The following SPTLC3 variants were observed in gnomAD, a reference collection of about 807,000 sequenced individuals.
SPTLC3 encodes the protein serine palmitoyltransferase long chain base subunit 3.
A neutral mutation model predicts 59.3 loss-of-function variants in SPTLC3; 36 were observed. That is an observed-to-expected ratio of 0.61 (90% CI 0.47 to 0.80). SPTLC3 has a LOEUF of 0.80. Among genes scored for constraint, SPTLC3 ranks in the 30% least tolerant of loss-of-function variants. The pLI is 0.00. For missense variants in SPTLC3, 625 were observed against 685.1 expected, an observed-to-expected ratio of 0.91 and a Z score of 0.98; for synonymous variants, 257 against 240.8, an observed-to-expected ratio of 1.07 and a Z score of -0.62.
At chr20:13,163,261 G>T (rs901725992) in intron 11 of SPTLC3, among the ~76,000 whole-genome samples, 1 of 149,686 alleles carries the variant, frequency 6.7e-6, no homozygotes, top group African/African-American at 2.5e-5. Flanking sequence ...CCAGCTACTC[G>T]AACTGCTGAG....
chr20:13,167,921 A>C lies in SPTLC3; in HGVS notation c.*3054A>C, dbSNP rs1225036112. 1.3e-5 allele frequency: 2 copies of C among 152,208 alleles called. No homozygotes were observed. The highest frequency in any genetic ancestry group is 2.9e-5 in the Non-Finnish European group (2 of 68,046). The allele number at this position is 152,208 out of a possible 1,614,324, so 9.4% of individuals were successfully genotyped here. On this transcript the variant is annotated 3_prime_UTR_variant, in exon 12 of 12. Coordinates refer to ENST00000399002, the MANE Select transcript of SPTLC3 (RefSeq NM_018327.4). The stretch of plus-strand genomic sequence containing the variant: ...TAAACCAATTGACTCTAATAGCAGG[A>C]ACCTTGTTCTGATTCTCTTGTTCAT...
At chr20:13,048,167 C>G (rs561840807) in intron 1 of SPTLC3, among the ~76,000 whole-genome samples, 1 of 151,534 alleles carries the variant, frequency 6.6e-6, no homozygotes, top group Admixed American at 6.6e-5. Flanking sequence ...CAGGAGCACC[C>G]AGATTAAAGC....
At chr20:13,044,612 C>T (rs1377969343) in intron 1 of SPTLC3, among the ~76,000 whole-genome samples, 1 of 152,100 alleles carries the variant, frequency 6.6e-6, no homozygotes, top group Non-Finnish European at 1.5e-5. Context: ...ATTATCCATT[C>T]TAATAGTTTT....
intron 6 of SPTLC3, among the ~76,000 whole-genome samples, chr20:13,097,764 A>G (rs1188749299): frequency 6.6e-6 from 1 of 152,164 alleles, no homozygotes; most frequent in Non-Finnish European, 1.5e-5. Context: ...AGGGAATTGT[A>G]TTCTCTAAAC....
chr20:13,045,404 T>C (rs1445062542), intron 1 of SPTLC3, among the ~76,000 whole-genome samples: 1 of 152,202 alleles, frequency 6.6e-6, no homozygotes, highest in Non-Finnish European at 1.5e-5. Context: ...TAAGCAAGAT[T>C]TTATGCTTCA....
intron 10 of SPTLC3, among the ~76,000 whole-genome samples, chr20:13,154,703 A>G (rs1323500907): frequency 1.3e-5 from 2 of 152,178 alleles, no homozygotes; most frequent in Non-Finnish European, 2.9e-5. Context: ...TCAGTTTCTC[A>G]TGCCCTTACT....
At chr20:13,043,403 T>C (rs1345616858) in intron 1 of SPTLC3, among the ~76,000 whole-genome samples, 1 of 152,228 alleles carries the variant, frequency 6.6e-6, no homozygotes, top group Non-Finnish European at 1.5e-5. Flanking sequence ...TGTGTCATGT[T>C]GCATGGGCTG....
intron 2 of SPTLC3, among the ~76,000 whole-genome samples, chr20:13,060,979 G>A (rs902725933): frequency 1.3e-5 from 2 of 152,018 alleles, no homozygotes; most frequent in African/African-American, 2.4e-5. Flanking sequence ...ACCCAGTAGT[G>A]GGATTGCTGG....
intron 7 of SPTLC3, among the ~76,000 whole-genome samples, chr20:13,113,625 G>C (rs546619406): frequency 9.2e-5 from 14 of 152,284 alleles, no homozygotes; most frequent in South Asian, 2.1e-4. Flanking sequence ...CTGGGACCTA[G>C]GTTCAAATCC....
chr20:13,012,862 C>G (rs1270255895), intron 1 of SPTLC3, among the ~76,000 whole-genome samples: 1 of 152,130 alleles, frequency 6.6e-6, no homozygotes, highest in African/African-American at 2.4e-5. Context: ...GACAGCTTCT[C>G]AGAGCAGAGA....
At chr20:13,050,095 T>C (rs1484533011) in intron 2 of SPTLC3, 1 of 152,076 alleles carries the variant, frequency 6.6e-6, no homozygotes, top group Admixed American at 6.6e-5. Flanking sequence ...AAATCCCTGA[T>C]TTACCTGAAA....
At chr20:13,032,533 G>A (rs1340053410) in intron 1 of SPTLC3, among the ~76,000 whole-genome samples, 1 of 152,154 alleles carries the variant, frequency 6.6e-6, no homozygotes, top group African/African-American at 2.4e-5. Flanking sequence ...CCCAGCCAGA[G>A]GCCCATGCAA....
intron 1 of SPTLC3, among the ~76,000 whole-genome samples, chr20:13,031,731 A>G (rs2122434355): frequency 1.3e-5 from 2 of 152,272 alleles, no homozygotes; most frequent in Non-Finnish European, 2.9e-5. Context: ...CAAGCTTTGC[A>G]CAGTGTTTGC....
Position 13,061,232 on chromosome 20 carries a change from G to A in SPTLC3, c.304-11024G>A, listed in dbSNP as rs187115944. 9.2e-5 allele frequency among the ~76,000 whole-genome samples: 14 copies of A among 152,182 alleles called. No homozygotes were observed. In the East Asian group the frequency reaches 1.4e-3, roughly 15 times the overall value. On this transcript the variant is annotated intron_variant, in intron 2 of 11. Coordinates refer to ENST00000399002, the MANE Select transcript of SPTLC3 (RefSeq NM_018327.4). The stretch of plus-strand genomic sequence containing the variant: ...ATATGCTCTACCTTGTTTTGTCTTC[G>A]AAGCATCTTTCTAGAAAGCTGCATA...
chr20:13,017,888 C>A (rs1044467993), intron 1 of SPTLC3, among the ~76,000 whole-genome samples: 1 of 152,164 alleles, frequency 6.6e-6, no homozygotes, highest in South Asian at 2.1e-4. Context: ...GAGTCAGTTA[C>A]AAGAAGACTC....
At chr20:13,144,835 C>T (rs1005658931) in intron 9 of SPTLC3, among the ~76,000 whole-genome samples, 2 of 152,040 alleles carry the variant, frequency 1.3e-5, no homozygotes, top group African/African-American at 4.8e-5. Context: ...AGTGCAGTGG[C>T]GCAATCTTGG....
At chr20:13,057,603 G>C (rs1423242574) in intron 2 of SPTLC3, among the ~76,000 whole-genome samples, 3 of 152,036 alleles carry the variant, frequency 2.0e-5, no homozygotes, top group Non-Finnish European at 4.4e-5. Context: ...AATCACTTGA[G>C]TATTAACTGA....
intron 10 of SPTLC3, among the ~76,000 whole-genome samples, chr20:13,158,105 C>T (rs756979158): frequency 5.9e-5 from 9 of 152,148 alleles, no homozygotes; most frequent in South Asian, 4.2e-4. Context: ...AAAGGGTTTG[C>T]ATTTTTTCCC....
At position 13,092,581 on chromosome 20, in the gene SPTLC3, T is replaced by A. The variant is rs1459724927; in HGVS notation, c.733-903T>A. Among the ~76,000 whole-genome samples, 40 of 152,166 alleles carry A rather than the reference T, an allele frequency of 2.6e-4. 2 individuals carry two copies. Among genetic ancestry groups the A allele is most frequent in the Admixed American group, 2.6e-3 (39 of 15,282 alleles). ...TTGGATGTGATCACTGAATTGTGAT[T>A]TTTTATAGGAGAATGTCCTGTTCTT... On this transcript the variant is annotated intron_variant, in intron 5 of 11. Transcript: ENST00000399002.
Sources: gnomAD v4.1 joint callset for allele counts (sites outside exome capture counted in the v4.1 genomes callset) on GRCh38, gnomAD v4.1.1 for gene constraint, MANE v1.5 for transcripts, NCBI Gene and HGNC (gene_info 2026-07-23, HGNC 2026-07-21) for gene names.